The following COG2 variants were observed in gnomAD, a reference collection of about 807,000 sequenced individuals.
COG2 encodes component of oligomeric golgi complex 2, also known as conserved oligomeric Golgi complex subunit 2.
Under a neutral mutation model 90.6 loss-of-function variants are expected in COG2, and 52 were observed. The ratio of observed to expected loss-of-function variants is 0.57; its 90% CI spans 0.46 to 0.72. COG2 has a LOEUF of 0.72. Among genes scored for constraint, COG2 ranks in the 30% least tolerant of loss-of-function variants. COG2 has a pLI of 0.00. For synonymous variants in COG2, 337 were observed against 320.4 expected, an observed-to-expected ratio of 1.05 and a Z score of -0.55; for missense variants, 829 against 891.2, an observed-to-expected ratio of 0.93 and a Z score of 0.89.
intron 8 of COG2, among the ~76,000 whole-genome samples, chr1:230,673,031 T>G (rs1391367227): frequency 6.6e-6 from 1 of 152,192 alleles, no homozygotes; most frequent in African/African-American, 2.4e-5. Context: ...CCACCTAAGA[T>G]GAAGTCTAGT....
rs369923399 is a variant in COG2, at chr1:230,663,229, C to T, written c.381+8C>T. 1,182 of 1,600,350 alleles carry T rather than the reference C, an allele frequency of 7.4e-4. 3 individuals are homozygous for T. Among genetic ancestry groups the T allele is most frequent in the Non-Finnish European group, 9.2e-4 (1,078 of 1,170,674 alleles). On this transcript the variant is annotated splice_region_variant and intron_variant, in intron 4 of 17. Coordinates refer to ENST00000366669, the MANE Select transcript of COG2 (RefSeq NM_007357.3). ...GACATTAGGAAAAAAAAGGTATACTCAAATATTACAATATTAAATCGTTGA... is the reference window on the plus strand; with the variant it reads ...GACATTAGGAAAAAAAAGGTATACTTAAATATTACAATATTAAATCGTTGA...
chr1:230,660,880 C>T, intron 3 of COG2, 57 bp downstream of exon 3: 1 of 1,217,874 alleles, frequency 8.2e-7, no homozygotes, highest in South Asian at 1.7e-5. Flanking sequence ...TGCTTGTTTG[C>T]CCTTCCAAAA....
At chr1:230,678,696 C>T (rs188936766) in intron 9 of COG2, 66 of 1,456,652 alleles carry the variant, frequency 4.5e-5, no homozygotes, top group Non-Finnish European at 5.6e-5. Flanking sequence ...TGGGCTTTGC[C>T]ATGGAAGACA....
At position 230,642,649 on chromosome 1, in the gene COG2, C is replaced by T; in HGVS notation, c.43C>T (p.Leu15Phe). Residue 15 changes from leucine to phenylalanine, a missense_variant, in exon 1 of 18, where the codon CTC (leucine) becomes TTC (phenylalanine). Leu to Phe is a conservative substitution (Grantham distance 22). Coordinates refer to ENST00000366669, the MANE Select transcript of COG2 (RefSeq NM_007357.3). ...GAACCTGCCCAAGGGGCCGGACACGCTCTGCTTCGACAAGGACGAGTTCAT... is the reference window on the plus strand; with the variant it reads ...GAACCTGCCCAAGGGGCCGGACACGTTCTGCTTCGACAAGGACGAGTTCAT... Reference protein sequence around the residue: ...RMNLPKGPDTLCFDKDEFMKE... With the variant: ...RMNLPKGPDTFCFDKDEFMKE... 6.2e-7 allele frequency: 1 copy of T among 1,613,192 alleles called. No individual in the cohort carries two copies. Among genetic ancestry groups the T allele is most frequent in the Non-Finnish European group, 8.5e-7 (1 of 1,179,672 alleles).
Position 230,642,485 on chromosome 1 carries a change from T to C in COG2, c.-122T>C, listed in dbSNP as rs575454248. 6.9e-4 allele frequency: 618 copies of C among 893,816 alleles called. No homozygotes were observed. Among genetic ancestry groups the C allele is most frequent in the Non-Finnish European group, 8.9e-4 (540 of 603,402 alleles). 55.4% of individuals were successfully genotyped at this position (893,816 alleles called of 1,614,324 possible). A position where few individuals can be genotyped will look rare whatever the true frequency, so the allele number is the denominator to read the frequency against. On this transcript the variant is annotated 5_prime_UTR_variant, in exon 1 of 18. Coordinates refer to ENST00000366669, the MANE Select transcript of COG2 (RefSeq NM_007357.3). ...GGCCGCGGCGCGGGCGCTGCCATGTTGGCGGAAGCGGACCCCCCTGTGCCG... is the reference window on the plus strand; with the variant it reads ...GGCCGCGGCGCGGGCGCTGCCATGTCGGCGGAAGCGGACCCCCCTGTGCCG...
At chr1:230,685,298 G>A (rs1429981432) in intron 12 of COG2, 62 bp downstream of exon 12, 1 of 1,564,594 alleles carries the variant, frequency 6.4e-7, no homozygotes, top group Non-Finnish European at 8.7e-7. Flanking sequence ...GATATGTTAG[G>A]CTAACTCCCT....
chr1:230,681,898 G>C (rs1662757867), intron 10 of COG2: 1 of 152,238 alleles, frequency 6.6e-6, no homozygotes, highest in African/African-American at 2.4e-5. Context: ...CCTGCTCACA[G>C]ACAGGCAGAA....
rs755136531 is a variant in COG2, at chr1:230,669,354, A to C, written c.595-2A>C. 1 of 1,591,320 alleles carries C rather than the reference A, an allele frequency of 6.3e-7. No homozygotes were observed. Among genetic ancestry groups the C allele is most frequent in the Admixed American group, 1.8e-5 (1 of 56,146 alleles). On this transcript the variant is annotated splice_acceptor_variant, in intron 6 of 17. Coordinates refer to ENST00000366669, the MANE Select transcript of COG2 (RefSeq NM_007357.3). LOFTEE classifies it high-confidence loss of function. ...TTTTTATTTACCCACCTTTTCTTGC[A>C]GCGTATAGCTGGCATTACAGCCATG...
At chr1:230,668,578 C>T (rs1662372013) in intron 5 of COG2, 98 bp from the exon 6 acceptor site, 5 of 683,550 alleles carry the variant, frequency 7.3e-6, no homozygotes, top group Middle Eastern at 5.1e-4. Context: ...AGTCAAAATA[C>T]AGTGGGTATG....
At position 230,687,081 on chromosome 1, in the gene COG2, C is replaced by T; in HGVS notation, c.1527C>T (p.Ser509=). 1 of 1,613,532 alleles carries T rather than the reference C, an allele frequency of 6.2e-7. No homozygotes were observed. The highest frequency in any genetic ancestry group is 1.1e-5 in the South Asian group (1 of 90,896). ...PSETKPVVSI[S]RTQLVYVVAD... ...AAACAAAGCCTGTGGTTTCCATTTC[C>T]CGCACTCAGCTCGTGTATGTGGTTG... is the stretch of plus-strand genomic sequence containing the variant. Residue 509 remains serine, a synonymous_variant, in exon 13 of 18, where the codon TCC becomes TCT. Transcript: ENST00000366669.
At chr1:230,657,893 C>T (rs1435439182) in intron 1 of COG2, among the ~76,000 whole-genome samples, 3 of 152,010 alleles carry the variant, frequency 2.0e-5, no homozygotes, top group African/African-American at 7.2e-5. Context: ...ACGAAGTTCT[C>T]ATGCTGTGTT....
intron 8 of COG2, among the ~76,000 whole-genome samples, chr1:230,671,951 T>G (rs1204311320): frequency 1.3e-5 from 2 of 152,354 alleles, no homozygotes; most frequent in East Asian, 3.9e-4. Flanking sequence ...CTTCCATGAT[T>G]CTAATATGTC....
At chr1:230,644,851 G>A (rs1041448506) in intron 1 of COG2, among the ~76,000 whole-genome samples, 5 of 152,292 alleles carry the variant, frequency 3.3e-5, no homozygotes, top group African/African-American at 1.2e-4. Context: ...ACTGACTGGT[G>A]GCGGGAGGCT....
intron 5 of COG2, among the ~76,000 whole-genome samples, chr1:230,668,160 G>A (rs972186008): frequency 1.2e-4 from 18 of 152,006 alleles, no homozygotes; most frequent in African/African-American, 4.1e-4. Flanking sequence ...GAAATATCTA[G>A]AGGTATTTTA....
rs1158155546 is a variant in COG2, at chr1:230,688,005, A to G, written c.1579-66A>G. 41 of 1,101,408 alleles carry G rather than the reference A, an allele frequency of 3.7e-5. 1 individual carries two copies. In the South Asian group the frequency reaches 4.8e-4, roughly 13 times the overall value. The allele number at this position is 1,101,408 out of a possible 1,614,324, so 68.2% of individuals were successfully genotyped here. On this transcript the variant is annotated intron_variant, in intron 13 of 17. Coordinates refer to ENST00000366669, the MANE Select transcript of COG2 (RefSeq NM_007357.3). ...CAAATTCTAGAGTTTGTAGATGCAA[A>G]TAGAATTGCCTCTTCCTTTGATTTA...
chr1:230,667,789 G>T (rs913668768), intron 5 of COG2, among the ~76,000 whole-genome samples: 2 of 148,528 alleles, frequency 1.3e-5, no homozygotes, highest in Non-Finnish European at 3.1e-5. Context: ...TCATGATAGG[G>T]ACATTTTTCC....
chr1:230,661,166 T>TA (rs1320847810), intron 3 of COG2, among the ~76,000 whole-genome samples: 2 of 152,218 alleles, frequency 1.3e-5, no homozygotes, highest in African/African-American at 4.8e-5. Flanking sequence ...GCTTCTATTT[T>TA]AAAAATTTGT....
intron 17 of COG2, 44 bp from the exon 18 acceptor site, chr1:230,693,248 A>G (rs1168265813): frequency 2.2e-5 from 25 of 1,146,486 alleles, no homozygotes; most frequent in Non-Finnish European, 3.3e-5. Flanking sequence ...CCCCATATTC[A>G]GCTTGAATTG....
intron 5 of COG2, among the ~76,000 whole-genome samples, chr1:230,668,043 A>G (rs1183153322): frequency 6.6e-6 from 1 of 152,230 alleles, no homozygotes; most frequent in Admixed American, 6.5e-5. Flanking sequence ...ATGTAATTTT[A>G]AAGTAAGTTA....
Sources: allele counts gnomAD v4.1 joint callset (sites outside exome capture counted in the v4.1 genomes callset), GRCh38; gene constraint gnomAD v4.1.1; transcripts MANE v1.5; gene names NCBI Gene and HGNC (gene_info 2026-07-23, HGNC 2026-07-21).